The following ESRRB variants were observed in gnomAD, a reference collection of about 807,000 sequenced individuals.
The protein encoded by ESRRB is steroid hormone receptor ERR2.
ESRRB carries 16 observed loss-of-function variants against 46.0 expected under a neutral mutation model. The observed-to-expected ratio is 0.35, with a 90% CI of 0.24 to 0.53. ESRRB has a LOEUF of 0.53. Ranked by LOEUF, ESRRB falls within the 20% of genes least tolerant of loss-of-function variation. The pLI, the probability that ESRRB is intolerant of heterozygous loss-of-function variation, is 0.93. For synonymous variants in ESRRB, 246 were observed against 259.6 expected (o/e 0.95, Z 0.50); for missense variants, 488 against 607.4 (o/e 0.80, Z 2.07).
rs139518978 is a variant in ESRRB, at chr14:76,498,716, C to T, written c.*258C>T. On this transcript the variant is annotated 3_prime_UTR_variant, in exon 7 of 7. Transcript: ENST00000644823. ...TGGTATGTCTTTCCTTCTCCATGGA[C>T]GGTGCGGAGGCCTGGGCCAGGGCTG... 1,003 of 1,248,570 alleles carry T rather than the reference C, an allele frequency of 8.0e-4. 7 individuals are homozygous for T. The African/African-American group carries it at 0.012, about 15-fold the overall frequency. 77.3% of individuals were successfully genotyped at this position (1,248,570 alleles called of 1,614,324 possible). A position where few individuals can be genotyped will look rare whatever the true frequency, so the allele number is the denominator to read the frequency against.
intron 1 of ESRRB, among the ~76,000 whole-genome samples, chr14:76,414,241 A>C (rs1172804009): frequency 8.7e-6 from 1 of 115,596 alleles, no homozygotes; most frequent in Non-Finnish European, 1.8e-5. Flanking sequence ...AAGCACAAAA[A>C]CCCTGGTGTT....
chr14:76,432,893 T>A (rs981526323), intron 1 of ESRRB, among the ~76,000 whole-genome samples: 12 of 152,222 alleles, frequency 7.9e-5, no homozygotes, highest in African/African-American at 2.9e-4. Flanking sequence ...CAGGCTGGTC[T>A]TGAACTCCTG....
chr14:76,462,700 C>T (rs773524366), intron 3 of ESRRB, 39 bp downstream of exon 3: 12 of 1,490,420 alleles, frequency 8.1e-6, no homozygotes, highest in Admixed American at 5.0e-5. Context: ...CTGTGAGGCT[C>T]TGCTTGCTGG....
At chr14:76,463,249 G>A (rs1187354842) in intron 3 of ESRRB, 1 of 176,152 alleles carries the variant, frequency 5.7e-6, no homozygotes, top group African/African-American at 2.4e-5. Flanking sequence ...AGCCACACGT[G>A]GCTCCCGAGT....
intron 1 of ESRRB, among the ~76,000 whole-genome samples, chr14:76,349,020 C>T (rs1180948936): frequency 6.6e-6 from 1 of 152,250 alleles, no homozygotes; most frequent in Non-Finnish European, 1.5e-5. Context: ...CCCACTCCCC[C>T]AGAAAAGCTT....
At chr14:76,314,427 A>G (rs910723047) in intron 1 of ESRRB, among the ~76,000 whole-genome samples, 2 of 152,090 alleles carry the variant, frequency 1.3e-5, no homozygotes, top group Non-Finnish European at 1.5e-5. Context: ...GAACATAGAG[A>G]TAGGAGTATG....
At chr14:76,353,004 G>C (rs766535134) in intron 1 of ESRRB, among the ~76,000 whole-genome samples, 4 of 152,200 alleles carry the variant, frequency 2.6e-5, no homozygotes, top group Non-Finnish European at 4.4e-5. Context: ...GCGCAGGGTC[G>C]CCGGGTAGGC....
intron 1 of ESRRB, among the ~76,000 whole-genome samples, chr14:76,350,144 C>T (rs942697837): frequency 1.3e-5 from 2 of 152,022 alleles, no homozygotes; most frequent in African/African-American, 4.8e-5. Context: ...TGAAGGGCTC[C>T]TCTACACCTA....
intron 2 of ESRRB, among the ~76,000 whole-genome samples, chr14:76,451,931 G>A (rs907648503): frequency 2.7e-5 from 4 of 146,080 alleles, no homozygotes; most frequent in Middle Eastern, 4.2e-3. Context: ...CTGCCACTGC[G>A]CCCAGCAGGA....
At chr14:76,356,107 C>T (rs1389319510) in intron 1 of ESRRB, among the ~76,000 whole-genome samples, 2 of 152,216 alleles carry the variant, frequency 1.3e-5, no homozygotes, top group Admixed American at 1.3e-4. Context: ...CTCCACAGCC[C>T]TTTCTCATCA....
chr14:76,329,682 C>T (rs1479624902), intron 1 of ESRRB, among the ~76,000 whole-genome samples: 2 of 152,146 alleles, frequency 1.3e-5, no homozygotes, highest in African/African-American at 2.4e-5. Flanking sequence ...CACACACAGA[C>T]CCGGGCGCAC....
rs754479043 is a variant in ESRRB at position 76,491,458 on chromosome 14, C to T, written c.862C>T (p.Leu288Phe). The T allele has an allele frequency of 3.0e-5, 49 of 1,608,782 alleles. No homozygotes were observed. Among genetic ancestry groups the T allele is most frequent in the Non-Finnish European group, 4.0e-5 (47 of 1,178,292 alleles). ...CCCTCTTCCTGCAGGCTTCTCAAGC[C>T]TCTCCCTGGGGGACCAGATGAGCCT... ...WAKHIPGFSS[L>F]SLGDQMSLLQ... The change falls in exon 6 of 7, where the codon CTC becomes TTC. Residue 288 changes from leucine (L) to phenylalanine (F), a missense_variant. Leu to Phe is a conservative substitution (Grantham distance 22). Coordinates refer to ENST00000644823, the MANE Select transcript of ESRRB (RefSeq NM_001379180.1).
intron 1 of ESRRB, among the ~76,000 whole-genome samples, chr14:76,393,967 ATTTTTTTTT>A (rs71122531): frequency 7.9e-6 from 1 of 126,986 alleles, no homozygotes; most frequent in Admixed American, 8.2e-5. Flanking sequence ...TGCCTGGCTA[ATTTTTTTTT>A]TTTTTTTTTT....
Position 76,499,936 on chromosome 14 carries a change from A to G in ESRRB, c.*1478A>G, listed in dbSNP as rs759647358. On this transcript the variant is annotated 3_prime_UTR_variant, in exon 7 of 7. Coordinates refer to ENST00000644823, the MANE Select transcript of ESRRB (RefSeq NM_001379180.1). ...AGCCATGATGGAAAATGCCCCTTCC[A>G]ATCAGCTGCCTTCACAAGCAGGGAT... 6.2e-7 allele frequency: 1 copy of G among 1,613,718 alleles called. No individual in the cohort carries two copies. Among genetic ancestry groups the G allele is most frequent in the Non-Finnish European group, 8.5e-7 (1 of 1,179,940 alleles).
At chr14:76,476,480 A>G (rs184337255) in intron 3 of ESRRB, among the ~76,000 whole-genome samples, 1 of 152,336 alleles carries the variant, frequency 6.6e-6, no homozygotes, top group East Asian at 1.9e-4. Context: ...AAGGACACAA[A>G]CAATAAGGCA....
At chr14:76,354,336 C>T (rs1306754962) in intron 1 of ESRRB, among the ~76,000 whole-genome samples, 2 of 151,286 alleles carry the variant, frequency 1.3e-5, no homozygotes, top group African/African-American at 4.9e-5. Context: ...AGGCTGTTTT[C>T]TGTTCATATT....
chr14:76,369,067 C>T (rs1173276732), upstream of ESRRB, among the ~76,000 whole-genome samples: 1 of 151,308 alleles, frequency 6.6e-6, no homozygotes, highest in African/African-American at 2.4e-5. Context: ...TGCGGTGGTG[C>T]GTCCCTGTAA....
intron 3 of ESRRB, among the ~76,000 whole-genome samples, chr14:76,474,925 CAA>C (rs201793971): frequency 1.4e-5 from 2 of 140,294 alleles, no homozygotes; most frequent in Non-Finnish European, 3.1e-5. Flanking sequence ...CCCCATCTAC[CAA>C]AAAAAAAAAG....
At chr14:76,432,212 C>T (rs555892049) in intron 1 of ESRRB, among the ~76,000 whole-genome samples, 2 of 152,300 alleles carry the variant, frequency 1.3e-5, no homozygotes, top group African/African-American at 2.4e-5. Context: ...CAGGGTGCTA[C>T]GGGCATTGAG....
Sources: allele counts gnomAD v4.1 joint callset (sites outside exome capture counted in the v4.1 genomes callset), GRCh38; gene constraint gnomAD v4.1.1; transcripts MANE v1.5; gene names NCBI Gene and HGNC (gene_info 2026-07-23, HGNC 2026-07-21).